PCDH7: variants seen among roughly 807,000 people sequenced by gnomAD.
The protein encoded by PCDH7 is protocadherin-7.
A neutral mutation model predicts 58.9 loss-of-function variants in PCDH7; 17 were observed. That is an observed-to-expected ratio of 0.29 (90% CI 0.20 to 0.43). PCDH7 has a LOEUF of 0.43. Among genes scored for constraint, PCDH7 ranks in the 20% least tolerant of loss-of-function variants. The pLI is 1.00. For missense variants in PCDH7, 1,274 were observed against 1,441.0 expected, an observed-to-expected ratio of 0.88 and a Z score of 1.88; for synonymous variants, 664 against 616.4, an observed-to-expected ratio of 1.08 and a Z score of -1.14.
At position 30,931,905 on chromosome 4, in the gene PCDH7, T is replaced by C. The variant is rs551713403; in HGVS notation, c.287+11536T>C. On this transcript the variant is annotated intron_variant, in intron 2 of 3. Coordinates refer to the PCDH7 transcript ENST00000509759. Reference sequence around the variant, plus strand: ...GTGTAATAGCTTTTGCTGTCTTTTCTTGAGTGATATAATACTGATTCATTA... The same window carrying C: ...GTGTAATAGCTTTTGCTGTCTTTTCCTGAGTGATATAATACTGATTCATTA... Among the ~76,000 whole-genome samples the C allele has an allele frequency of 6.6e-4, 100 of 152,048 alleles. 3 individuals are homozygous for C. In the South Asian group the frequency reaches 0.019, roughly 29 times the overall value.
At chr4:31,145,155 CG>C (rs1003123367), downstream of PCDH7, 2 of 151,702 alleles carry the variant, frequency 1.3e-5, no homozygotes, top group African/African-American at 4.8e-5. Flanking sequence ...AAAACTAATA[CG>C]GGTCACACCG....
chr4:31,056,426 AAG>A (rs1430981664), intron 3 of PCDH7, among the ~76,000 whole-genome samples: 2 of 119,016 alleles, frequency 1.7e-5, no homozygotes, highest in African/African-American at 8.8e-5. Flanking sequence ...GAAAGAAGGA[AAG>A]AAAAAGAAAG....
At chr4:30,882,635 C>T (rs1247722400) in intron 1 of PCDH7, among the ~76,000 whole-genome samples, 1 of 152,126 alleles carries the variant, frequency 6.6e-6, no homozygotes, top group Non-Finnish European at 1.5e-5. Context: ...ATACAATATG[C>T]ACTTGGTGTT....
intron 3 of PCDH7, among the ~76,000 whole-genome samples, chr4:31,071,779 C>CA (rs1053706584): frequency 3.2e-4 from 48 of 151,712 alleles, no homozygotes; most frequent in African/African-American, 1.1e-3. Flanking sequence ...TTGTTCTTTT[C>CA]AAAAAAGACT....
intron 3 of PCDH7, among the ~76,000 whole-genome samples, chr4:30,984,172 G>A (rs947532976): frequency 6.6e-6 from 1 of 152,114 alleles, no homozygotes; most frequent in Non-Finnish European, 1.5e-5. Context: ...CTTTGGGGGT[G>A]GTAAAAGTGG....
chr4:31,057,316 G>A (rs1463070657), intron 3 of PCDH7, among the ~76,000 whole-genome samples: 4 of 152,120 alleles, frequency 2.6e-5, no homozygotes, highest in Non-Finnish European at 5.9e-5. Flanking sequence ...AAAATGGGAA[G>A]ATGAAGCCAT....
rs1046598693 is a variant in PCDH7, at chr4:31,140,048, T to C, written c.*8-2425T>C. Reference sequence around the variant, plus strand: ...ATACTCCAGACTGTGAAGTAAAGACTGAAGGAAAGAACTGAAGAGCATCTC... The same window carrying C: ...ATACTCCAGACTGTGAAGTAAAGACCGAAGGAAAGAACTGAAGAGCATCTC... On this transcript the variant is annotated intron_variant, in intron 3 of 3. Transcript: ENST00000509759. Among the ~76,000 whole-genome samples, 3 of 152,194 alleles carry C rather than the reference T, an allele frequency of 2.0e-5. No individual in the cohort carries two copies. In the East Asian group the frequency reaches 5.8e-4, roughly 29 times the overall value.
intron 2 of PCDH7, among the ~76,000 whole-genome samples, chr4:30,946,423 A>T (rs1746681997): frequency 6.6e-6 from 1 of 151,970 alleles, no homozygotes. Context: ...TTTTTCCACC[A>T]CAAAATCCAC....
chr4:30,731,273 T>C, exon 2 of PCDH7: 42 of 262,356 alleles, frequency 1.6e-4, no homozygotes, highest in Non-Finnish European at 2.4e-4. Flanking sequence ...GAGTGAAGGA[T>C]AATATCTTTT....
intron 2 of PCDH7, among the ~76,000 whole-genome samples, chr4:30,940,324 G>A (rs913702850): frequency 1.3e-5 from 2 of 151,748 alleles, no homozygotes; most frequent in African/African-American, 4.8e-5. Flanking sequence ...AGTGTATTTG[G>A]TCAGTGAAAT....
At chr4:31,022,877 G>A (rs1754140462) in intron 3 of PCDH7, among the ~76,000 whole-genome samples, 1 of 152,122 alleles carries the variant, frequency 6.6e-6, no homozygotes, top group African/African-American at 2.4e-5. Context: ...GAATAATACG[G>A]TGAGTGTGAT....
intron 1 of PCDH7, chr4:30,730,666 A>G (rs1389620715): frequency 2.1e-6 from 2 of 943,082 alleles, no homozygotes; most frequent in Non-Finnish European, 1.6e-6. Context: ...TCTCTACTAA[A>G]GCTTTCCAAT....
chr4:31,053,863 T>C (rs1756943891), intron 3 of PCDH7, among the ~76,000 whole-genome samples: 1 of 151,988 alleles, frequency 6.6e-6, no homozygotes, highest in African/African-American at 2.4e-5. Flanking sequence ...TAAAAATATG[T>C]TATATATAAA....
intron 3 of PCDH7, among the ~76,000 whole-genome samples, chr4:31,049,798 AG>A (rs1578656825): frequency 1.3e-5 from 2 of 152,068 alleles, no homozygotes; most frequent in East Asian, 1.9e-4. Flanking sequence ...CATGGTCTCC[AG>A]TGAGGTCACG....
At chr4:30,933,013 G>A (rs1744835525) in intron 2 of PCDH7, among the ~76,000 whole-genome samples, 2 of 138,552 alleles carry the variant, frequency 1.4e-5, no homozygotes, top group Admixed American at 7.6e-5. Context: ...CAGAGGAGGA[G>A]TTTCTTTCTT....
At chr4:31,017,432 G>A (rs1313637996) in intron 3 of PCDH7, among the ~76,000 whole-genome samples, 2 of 152,102 alleles carry the variant, frequency 1.3e-5, no homozygotes. Flanking sequence ...AGAGATGGGA[G>A]GATCTAAACA....
At chr4:30,949,259 A>C (rs1042982350) in intron 2 of PCDH7, among the ~76,000 whole-genome samples, 1 of 152,150 alleles carries the variant, frequency 6.6e-6, no homozygotes, top group East Asian at 1.9e-4. Flanking sequence ...TAAGAGAAAC[A>C]TTTTTTATAT....
At chr4:31,132,043 C>A (rs1393621787) in intron 3 of PCDH7, among the ~76,000 whole-genome samples, 1 of 152,024 alleles carries the variant, frequency 6.6e-6, no homozygotes, top group African/African-American at 2.4e-5. Context: ...TAGAAAATAA[C>A]ACATGGAAAT....
chr4:31,020,096 T>C (rs968089393), intron 3 of PCDH7, among the ~76,000 whole-genome samples: 1 of 152,172 alleles, frequency 6.6e-6, no homozygotes, highest in Non-Finnish European at 1.5e-5. Flanking sequence ...CCTAGTCCCA[T>C]TGATCCTGGA....
Sources: allele counts gnomAD v4.1 joint callset (sites outside exome capture counted in the v4.1 genomes callset), GRCh38; gene constraint gnomAD v4.1.1; transcripts MANE v1.5; gene names NCBI Gene and HGNC (gene_info 2026-07-23, HGNC 2026-07-21).